Variants in TAOK2 observed in about 807,000 individuals in gnomAD.
The protein encoded by TAOK2 is serine/threonine-protein kinase TAO2.
Under a neutral mutation model 122.5 loss-of-function variants are expected in TAOK2, and 42 were observed. The observed-to-expected ratio is 0.34, with a 90% CI of 0.27 to 0.44. The LOEUF is 0.44. Among genes scored for constraint, TAOK2 ranks in the 20% least tolerant of loss-of-function variants. TAOK2 has a pLI of 1.00. For missense variants in TAOK2, 1,264 were observed against 1,644.9 expected (o/e 0.77, Z 4.01); for synonymous variants, 704 against 677.6 (o/e 1.04, Z -0.61).
chr16:29,984,442 T>G (rs2069718122), intron 13 of TAOK2, among the ~76,000 whole-genome samples: 1 of 152,226 alleles, frequency 6.6e-6, no homozygotes, highest in African/African-American at 2.4e-5. Context: ...CCTGCTGAGC[T>G]GCATTTGAGC....
At chr16:29,982,556 G>A (rs2069649961) in intron 10 of TAOK2, among the ~76,000 whole-genome samples, 178 bp from the exon 11 acceptor site, 1 of 137,936 alleles carries the variant, frequency 7.2e-6, no homozygotes, top group African/African-American at 2.9e-5. Context: ...AGTCTGTCTG[G>A]GGAGTAGGTA....
chr16:29,989,263 A>T, downstream of TAOK2: 1 of 984,422 alleles, frequency 1.0e-6, no homozygotes, highest in Non-Finnish European at 1.2e-6. Context: ...AGTAACTCCG[A>T]TGTTCTTTCT....
rs764643777 is a variant in TAOK2, at chr16:29,987,955, C to T, written c.3683C>T (p.Ser1228Phe). ...LAGRRSRTRQ[S>F]RALPPWR ...GGGCGGAGGTCACGCACCCGCCAGT[C>T]CCGGGCCCTGCCCCCCTGGAGGTAG... is the stretch of plus-strand genomic sequence containing the variant. Residue 1228 changes from serine to phenylalanine, a missense_variant, in exon 16 of 16, where the codon TCC becomes TTC. Transcript: ENST00000308893. 1.3e-6 allele frequency: 2 copies of T among 1,543,384 alleles called. No individual in the cohort carries two copies. The highest frequency in any genetic ancestry group is 1.7e-6 in the Non-Finnish European group (2 of 1,149,900).
rs906656749 is a variant in TAOK2 at position 29,985,046 on chromosome 16, A to G, written c.1423-167A>G. 13 of 859,624 alleles carry G rather than the reference A, an allele frequency of 1.5e-5. No homozygotes were observed. The highest frequency in any genetic ancestry group is 3.8e-5 in the South Asian group (1 of 26,102). The allele number at this position is 859,624 out of a possible 1,614,324, so 53.2% of individuals were successfully genotyped here. On this transcript the variant is annotated intron_variant, in intron 13 of 15. Transcript: ENST00000308893. This position sits in a 1 kb window ranked among gnomAD's most constrained non-coding sequence, Gnocchi z 6.9. ...AACTTGTGATGTAGATAATATCACC[A>G]TTATCCAGTTGAGGAAACAGGCTAG...
chr16:29,988,614 G>C (rs903755785), downstream of TAOK2: 10 of 985,244 alleles, frequency 1.0e-5, no homozygotes, highest in Non-Finnish European at 1.1e-5. Context: ...GAACTTCACC[G>C]AACTTCTTGG....
intron 1 of TAOK2, 39 bp from the exon 2 acceptor site, chr16:29,977,699 C>T (rs2069497129): frequency 6.4e-7 from 1 of 1,568,692 alleles, no homozygotes. Flanking sequence ...CCTGAAGGCT[C>T]AATCCTTGAT....
chr16:29,975,978 A>G (rs572529330), intron 1 of TAOK2, among the ~76,000 whole-genome samples: 1 of 152,302 alleles, frequency 6.6e-6, no homozygotes, highest in African/African-American at 2.4e-5. Context: ...ACAGATAGAT[A>G]CGGGTTTCCT....
downstream of TAOK2, chr16:29,991,493 G>C: frequency 6.8e-7 from 1 of 1,477,956 alleles, no homozygotes; most frequent in Non-Finnish European, 9.0e-7. This position sits in a 1 kb window ranked among gnomAD's most constrained non-coding sequence, Gnocchi z 5.6. Context: ...CTGCTGCCGC[G>C]GTGCCCGGGC....
chr16:29,989,760 G>T (rs765573503), downstream of TAOK2: 1 of 1,613,778 alleles, frequency 6.2e-7, no homozygotes, highest in Non-Finnish European at 8.5e-7. Context: ...CGATCTTGGC[G>T]GAGCAGTATG....
At position 29,987,233 on chromosome 16, in the gene TAOK2, A is replaced by G. The variant is rs754634069; in HGVS notation, c.2961A>G (p.Ala987=). The change falls in exon 16 of 16, where the codon GCA becomes GCG. Residue 987 remains alanine, a synonymous_variant. Transcript: ENST00000308893. ...LAAQGGGGLQ[A]ALLALEVGLV... ...CCCAGGGTGGGGGTGGCCTGCAGGC[A>G]GCGCTGCTGGCCCTTGAGGTGGGGC... 4 of 1,540,498 alleles carry G rather than the reference A, an allele frequency of 2.6e-6. No individual in the cohort carries two copies. The highest frequency in any genetic ancestry group is 1.4e-5 in the African/African-American group (1 of 72,314).
In TAOK2 at chr16:29,983,239, G is replaced by C. The variant is rs1217237664; in HGVS notation, c.1167G>C (p.Glu389Asp). The change falls in exon 12 of 16, where the codon GAG (glutamate) becomes GAC (aspartate). Residue 389 changes from glutamate to aspartate, a missense_variant. Glu to Asp is a conservative substitution (Grantham distance 45, BLOSUM62 2). Coordinates refer to ENST00000308893, the MANE Select transcript of TAOK2 (RefSeq NM_016151.4). ...EEEEEEEEEEEEEEGPEAREM... is the reference protein window; with the variant it reads ...EEEEEEEEEEDEEEGPEAREM... ...AGGAGGAGGAGGAGGAAGAGGAGGA[G>C]GAGGAAGAAGGCCCTGAAGCCCGGG... 3 of 1,611,824 alleles carry C rather than the reference G, an allele frequency of 1.9e-6. No individual in the cohort carries two copies. Among genetic ancestry groups the C allele is most frequent in the Non-Finnish European group, 1.7e-6 (2 of 1,179,964 alleles).
chr16:29,975,498 G>A (rs2069427356), intron 1 of TAOK2, among the ~76,000 whole-genome samples: 1 of 152,186 alleles, frequency 6.6e-6, no homozygotes, highest in African/African-American at 2.4e-5. Context: ...TCCAGGCTGG[G>A]GTGAGGTTTA....
In TAOK2 at chr16:29,979,191, G is replaced by T. The variant is rs771990943; in HGVS notation, c.450-4G>T. On this transcript the variant is annotated splice_region_variant and splice_polypyrimidine_tract_variant and intron_variant, in intron 6 of 15. Transcript: ENST00000308893. The surrounding 1 kb of genome is among the most constrained non-coding windows in gnomAD (Gnocchi z 4.1). ...GTCTCATCCCTGTACTTTGCCTCTG[G>T]CAGGGATGTGAAGGCTGGAAACATC... The T allele has an allele frequency of 4.3e-6, 7 of 1,614,156 alleles. No homozygotes were observed. Among genetic ancestry groups the T allele is most frequent in the Non-Finnish European group, 5.9e-6 (7 of 1,179,988 alleles).
At chr16:29,981,219 G>C (rs1234730939) in intron 8 of TAOK2, 3 of 315,388 alleles carry the variant, frequency 9.5e-6, no homozygotes, top group African/African-American at 6.4e-5. Flanking sequence ...CCACTTCCCT[G>C]TTTCCCTCTT....
Position 29,985,794 on chromosome 16 carries a change from A to G in TAOK2, c.1925A>G (p.Gln642Arg). The change falls in exon 15 of 16, where the codon CAG becomes CGG. Residue 642 changes from glutamine to arginine, a missense_variant. This residue lies in a region of TAOK2 where 824 missense variants were observed against 908.7 expected (regional missense o/e 0.91). Transcript: ENST00000308893. The surrounding 1 kb of genome is among the most constrained non-coding windows in gnomAD (Gnocchi z 6.9). ...CGGCAGCGCCAGTACTTTGAGCTGC[A>G]GTGTCGCCAGTACAAGCGCAAGATG... ...LRRQRQYFELQCRQYKRKMLL... is the reference protein window; with the variant it reads ...LRRQRQYFELRCRQYKRKMLL... 1 of 1,611,840 alleles carries G rather than the reference A, an allele frequency of 6.2e-7. No homozygotes were observed. Among genetic ancestry groups the G allele is most frequent in the Non-Finnish European group, 8.5e-7 (1 of 1,179,874 alleles).
rs375972588 is a variant in TAOK2, at chr16:29,983,174, G to A, written c.1102G>A (p.Val368Ile). Residue 368 changes from valine (V) to isoleucine (I), a missense_variant, in exon 12 of 16, where the codon GTC becomes ATC. Physicochemically the swap from Val to Ile is conservative, Grantham distance 29. This residue lies in a region of TAOK2 where 254 missense variants were observed against 503.8 expected (regional missense o/e 0.50). Transcript: ENST00000308893. ...CAGCGCCTCCAGCCAGAGCAGCTCC[G>A]TCAACAGCCTAGCAGATGCCTCAGA... ...SISASSQSSS[V>I]NSLADASDNE... The A allele has an allele frequency of 9.4e-5, 152 of 1,613,898 alleles. No homozygotes were observed. Among genetic ancestry groups the A allele is most frequent in the Non-Finnish European group, 1.2e-4 (136 of 1,180,026 alleles).
At chr16:29,976,002 G>T (rs1365042427) in intron 1 of TAOK2, among the ~76,000 whole-genome samples, 1 of 152,208 alleles carries the variant, frequency 6.6e-6, no homozygotes, top group African/African-American at 2.4e-5. Context: ...CTGTAGAATG[G>T]AGATAACATT....
intron 1 of TAOK2, among the ~76,000 whole-genome samples, chr16:29,976,502 C>T (rs914105943): frequency 5.3e-5 from 8 of 152,238 alleles, no homozygotes; most frequent in Non-Finnish European, 1.2e-4. Context: ...TTTTGAGTAG[C>T]TAGAACTCTG....
chr16:29,991,099 G>A (rs368251549), downstream of TAOK2: 3 of 1,595,730 alleles, frequency 1.9e-6, no homozygotes, highest in Non-Finnish European at 2.6e-6. This position sits in a 1 kb window ranked among gnomAD's most constrained non-coding sequence, Gnocchi z 5.6. Context: ...CGAATCCGCA[G>A]TCTGCTTGAG....
Sources: allele counts gnomAD v4.1 joint callset (sites outside exome capture counted in the v4.1 genomes callset), GRCh38; gene constraint gnomAD v4.1.1; regional missense constraint gnomAD v4.1.1; non-coding constraint Gnocchi (gnomAD v3.1); transcripts MANE v1.5; gene names NCBI Gene and HGNC (gene_info 2026-07-23, HGNC 2026-07-21).